The following MIR2052HG variants were observed in gnomAD, a reference collection of about 807,000 sequenced individuals.
MIR2052HG encodes the protein MIR2052 host gene.
intron 2 of MIR2052HG, among the ~76,000 whole-genome samples, chr8:74,678,746 T>A (rs1809084520): frequency 1.3e-5 from 2 of 151,738 alleles, no homozygotes; most frequent in Admixed American, 1.3e-4. Context: ...TAACAAACAT[T>A]AATATAATAG....
intron 2 of MIR2052HG, among the ~76,000 whole-genome samples, chr8:74,643,042 G>C (rs1401316362): frequency 6.6e-6 from 1 of 152,044 alleles, no homozygotes; most frequent in East Asian, 1.9e-4. Context: ...AATTACATTC[G>C]TATGAGTTAC....
At chr8:74,631,624 A>T (rs1327827864) in intron 2 of MIR2052HG, among the ~76,000 whole-genome samples, 1 of 152,216 alleles carries the variant, frequency 6.6e-6, no homozygotes, top group Admixed American at 6.5e-5. Context: ...ATTTTGGACC[A>T]GTAGTAATAA....
At chr8:74,728,902 T>C (rs1324884260) in intron 4 of MIR2052HG, among the ~76,000 whole-genome samples, 1 of 152,152 alleles carries the variant, frequency 6.6e-6, no homozygotes, top group Non-Finnish European at 1.5e-5. Context: ...TATTTCATAC[T>C]CATTCTTACT....
intron 2 of MIR2052HG, among the ~76,000 whole-genome samples, chr8:74,638,887 G>T (rs895882350): frequency 4.6e-5 from 7 of 152,068 alleles, no homozygotes; most frequent in Non-Finnish European, 1.0e-4. Context: ...TGATTGTTTT[G>T]GGGGAGTATG....
chr8:74,609,506 A>C (rs1388238601), intron 1 of MIR2052HG, among the ~76,000 whole-genome samples: 1 of 151,870 alleles, frequency 6.6e-6, no homozygotes, highest in Non-Finnish European at 1.5e-5. Flanking sequence ...AGAAAATTGC[A>C]TGCCAATATT....
chr8:74,603,665 C>T (rs1164384829), intron 1 of MIR2052HG: 3 of 1,077,520 alleles, frequency 2.8e-6, no homozygotes, highest in Non-Finnish European at 4.3e-6. Context: ...AGGGTATAGG[C>T]CTGACCGCCT....
intron 2 of MIR2052HG, among the ~76,000 whole-genome samples, chr8:74,679,892 T>A (rs1046138636): frequency 2.0e-5 from 3 of 152,112 alleles, no homozygotes; most frequent in African/African-American, 7.2e-5. Context: ...CCCTGTGGAA[T>A]TAGGAACAAG....
At chr8:74,697,440 A>G (rs984071801) in intron 2 of MIR2052HG, among the ~76,000 whole-genome samples, 4 of 152,178 alleles carry the variant, frequency 2.6e-5, no homozygotes, top group Non-Finnish European at 2.9e-5. Flanking sequence ...CACTTTTACC[A>G]CTTACATTCA....
chr8:74,698,123 T>C (rs149852375), intron 2 of MIR2052HG, among the ~76,000 whole-genome samples: 1 of 152,268 alleles, frequency 6.6e-6, no homozygotes, highest in Non-Finnish European at 1.5e-5. Flanking sequence ...AAGGCCATAG[T>C]CACCAAAGCA....
intron 1 of MIR2052HG, among the ~76,000 whole-genome samples, chr8:74,600,195 A>C (rs148129928): frequency 6.6e-6 from 1 of 150,966 alleles, no homozygotes; most frequent in Non-Finnish European, 1.5e-5. Context: ...CTTCTGCGTC[A>C]CTCACGCTGG....
chr8:74,649,804 G>A, intron 2 of MIR2052HG, among the ~76,000 whole-genome samples: 1 of 151,828 alleles, frequency 6.6e-6, no homozygotes, highest in Non-Finnish European at 1.5e-5. Flanking sequence ...AAGTTCAGGT[G>A]GTTGTTGGGT....
chr8:74,672,797 A>G (rs1809007315), intron 2 of MIR2052HG, among the ~76,000 whole-genome samples: 1 of 152,056 alleles, frequency 6.6e-6, no homozygotes, highest in African/African-American at 2.4e-5. Context: ...AATTCTGCTG[A>G]TATTATCTGC....
chr8:74,671,178 GA>G (rs1047477306), intron 2 of MIR2052HG, among the ~76,000 whole-genome samples: 35 of 151,360 alleles, frequency 2.3e-4, no homozygotes, highest in Admixed American at 2.6e-4. Context: ...GGAAAAGGAA[GA>G]AAAAAGAATA....
chr8:74,697,220 C>G (rs1809307604), intron 2 of MIR2052HG, among the ~76,000 whole-genome samples: 1 of 151,956 alleles, frequency 6.6e-6, no homozygotes, highest in African/African-American at 2.4e-5. Context: ...GAATTAAAAA[C>G]AAAAATCACA....
At chr8:74,622,984 A>G (rs1405728747) in intron 2 of MIR2052HG, among the ~76,000 whole-genome samples, 5 of 152,216 alleles carry the variant, frequency 3.3e-5, no homozygotes, top group African/African-American at 1.2e-4. Flanking sequence ...AGTGGTTACA[A>G]GGAGACTGAG....
At chr8:74,711,829 G>T (rs1425735593) in intron 4 of MIR2052HG, among the ~76,000 whole-genome samples, 1 of 152,148 alleles carries the variant, frequency 6.6e-6, no homozygotes, top group Admixed American at 6.6e-5. Flanking sequence ...AATTATAACC[G>T]CAGATGTAAG....
chr8:74,719,829 CTTTTTTTTTTTTCTTTTTTCTT>C (rs1809556289), intron 4 of MIR2052HG, among the ~76,000 whole-genome samples: 1 of 124,178 alleles, frequency 8.1e-6, no homozygotes, highest in Non-Finnish European at 1.7e-5. Context: ...AGTGCTCCTT[CTTTTTTTTTTTTCTTTTTTCTT>C]TTTTTTTTTT....
intron 2 of MIR2052HG, among the ~76,000 whole-genome samples, chr8:74,670,377 T>A (rs1230574069): frequency 1.3e-5 from 2 of 152,158 alleles, no homozygotes; most frequent in Non-Finnish European, 2.9e-5. Context: ...TTCTTTCCGG[T>A]AATATGGCAG....
chr8:74,683,478 A>G (rs1748302963), intron 2 of MIR2052HG, among the ~76,000 whole-genome samples: 1 of 152,128 alleles, frequency 6.6e-6, no homozygotes, highest in African/African-American at 2.4e-5. Context: ...GCAACAGGAG[A>G]ATTACACTGC....
Sources: allele counts gnomAD v4.1 joint callset (sites outside exome capture counted in the v4.1 genomes callset), GRCh38; gene constraint gnomAD v4.1.1; transcripts MANE v1.5; gene names NCBI Gene and HGNC (gene_info 2026-07-23, HGNC 2026-07-21).